GRID1: variants seen among roughly 807,000 people sequenced by gnomAD.
GRID1 encodes glutamate ionotropic receptor delta type subunit 1, also known as glutamate receptor ionotropic, delta-1.
In GRID1, 28 loss-of-function variants were observed where a neutral mutation model predicts 98.0. That is an observed-to-expected ratio of 0.29 (90% CI 0.21 to 0.39). The LOEUF is 0.39. GRID1 is among the 10% of genes least tolerant of loss of function. The probability of loss-of-function intolerance (pLI) is 1.00; values close to 1 mark genes in which losing one functional copy is unlikely to be tolerated. For synonymous variants in GRID1, 553 were observed against 538.5 expected, an observed-to-expected ratio of 1.03 and a Z score of -0.37; for missense variants, 1,111 against 1,340.5, an observed-to-expected ratio of 0.83 and a Z score of 2.67.
At chr10:85,712,905 T>C (rs1841597470) in intron 12 of GRID1, among the ~76,000 whole-genome samples, 2 of 151,584 alleles carry the variant, frequency 1.3e-5, no homozygotes, top group Non-Finnish European at 3.0e-5. Flanking sequence ...CCAAAAATAA[T>C]AGGATGCAGC....
chr10:86,310,467 T>C (rs531860242), intron 2 of GRID1, among the ~76,000 whole-genome samples: 8 of 152,248 alleles, frequency 5.3e-5, no homozygotes, highest in African/African-American at 1.7e-4. Context: ...CAAGACCCCA[T>C]CAGCTTCCAA....
At chr10:85,818,960 A>T (rs867012410) in intron 8 of GRID1, among the ~76,000 whole-genome samples, 1 of 152,198 alleles carries the variant, frequency 6.6e-6, no homozygotes, top group South Asian at 2.1e-4. Flanking sequence ...AGCTTGAGTG[A>T]TCCGCCCGCC....
intron 4 of GRID1, among the ~76,000 whole-genome samples, chr10:86,102,291 C>T (rs1225085315): frequency 6.6e-6 from 1 of 152,216 alleles, no homozygotes; most frequent in African/African-American, 2.4e-5. Flanking sequence ...TGGCTTAGAC[C>T]AGGGACATAG....
intron 4 of GRID1, among the ~76,000 whole-genome samples, chr10:85,961,714 T>G (rs1415525593): frequency 1.3e-5 from 2 of 151,880 alleles, no homozygotes; most frequent in Non-Finnish European, 2.9e-5. Flanking sequence ...CCCTCCCTTC[T>G]TCCTTTCTTC....
intron 12 of GRID1, among the ~76,000 whole-genome samples, chr10:85,701,644 CA>C (rs1466594817): frequency 6.6e-6 from 1 of 152,106 alleles, no homozygotes. Context: ...AGAATCAACC[CA>C]CCTGTTTATG....
At chr10:86,107,419 C>T (rs1844407889) in intron 4 of GRID1, among the ~76,000 whole-genome samples, 1 of 152,208 alleles carries the variant, frequency 6.6e-6, no homozygotes. Flanking sequence ...GTGGCAAACC[C>T]CACAGGGTGG....
intron 2 of GRID1, among the ~76,000 whole-genome samples, chr10:86,265,615 A>G (rs1476133997): frequency 6.6e-6 from 1 of 152,226 alleles, no homozygotes; most frequent in Non-Finnish European, 1.5e-5. Context: ...TCAGACACTC[A>G]TTCTTGCTCT....
intron 8 of GRID1, among the ~76,000 whole-genome samples, chr10:85,846,861 A>G (rs1356736380): frequency 6.6e-6 from 1 of 152,252 alleles, no homozygotes. Context: ...ACCAGGAAAT[A>G]AAGTTTCCAA....
intron 4 of GRID1, among the ~76,000 whole-genome samples, chr10:86,036,222 G>A (rs1372890681): frequency 6.6e-6 from 1 of 152,178 alleles, no homozygotes; most frequent in Non-Finnish European, 1.5e-5. Flanking sequence ...ACCACTCTAA[G>A]ACAGTCCGCC....
intron 4 of GRID1, among the ~76,000 whole-genome samples, chr10:86,060,331 TAGG>T (rs1843631758): frequency 6.6e-6 from 1 of 152,172 alleles, no homozygotes. Flanking sequence ...CACTTTCTAT[TAGG>T]AGATGTTCTG....
At chr10:85,937,294 C>T (rs958770340) in intron 4 of GRID1, among the ~76,000 whole-genome samples, 5 of 152,220 alleles carry the variant, frequency 3.3e-5, no homozygotes, top group African/African-American at 1.2e-4. Context: ...TAACGTGAAA[C>T]ACAGATGCAG....
chr10:85,729,059 G>A lies in GRID1; in HGVS notation c.1335+454C>T, dbSNP rs572389850. Among the ~76,000 whole-genome samples the A allele has an allele frequency of 2.6e-4, 39 of 152,288 alleles. 1 individual carries two copies. The South Asian group carries it at 5.8e-3, about 23-fold the overall frequency. On this transcript the variant is annotated intron_variant, in intron 9 of 15. Transcript: ENST00000327946. ...TCCATGCAGAAAAGTTGCAACTACCGAATGGTCTTCATTCTGAACTTGTGT... is the reference window on the plus strand; with the variant it reads ...TCCATGCAGAAAAGTTGCAACTACCAAATGGTCTTCATTCTGAACTTGTGT...
At chr10:85,877,061 G>T (rs569441724) in intron 5 of GRID1, among the ~76,000 whole-genome samples, 6 of 152,346 alleles carry the variant, frequency 3.9e-5, no homozygotes, top group African/African-American at 1.4e-4. Flanking sequence ...GGGGAGGGGC[G>T]CCTGCCATTG....
intron 5 of GRID1, among the ~76,000 whole-genome samples, chr10:85,880,020 A>G (rs1161579812): frequency 6.6e-6 from 1 of 152,260 alleles, no homozygotes; most frequent in East Asian, 1.9e-4. Flanking sequence ...TAGAAAATCT[A>G]GAAGAAATGG....
At chr10:86,096,010 T>C (rs1844216449) in intron 4 of GRID1, among the ~76,000 whole-genome samples, 1 of 152,122 alleles carries the variant, frequency 6.6e-6, no homozygotes, top group Non-Finnish European at 1.5e-5. Flanking sequence ...AGTATATATA[T>C]GCAGCCATAA....
At chr10:85,797,190 T>G (rs1382512535) in intron 8 of GRID1, among the ~76,000 whole-genome samples, 2 of 152,116 alleles carry the variant, frequency 1.3e-5, no homozygotes, top group African/African-American at 4.8e-5. Context: ...TTAAAAAACC[T>G]CAAAACACTG....
Position 85,728,036 on chromosome 10 carries a change from A to G in GRID1, c.1352T>C (p.Met451Thr). The G allele has an allele frequency of 6.2e-7, 1 of 1,612,644 alleles. No individual in the cohort carries two copies. The highest frequency in any genetic ancestry group is 8.5e-7 in the Non-Finnish European group (1 of 1,178,682). Residue 451 changes from methionine (M) to threonine (T), a missense_variant, in exon 10 of 16, where the codon ATG (methionine) becomes ACG (threonine). Coordinates refer to ENST00000327946, the MANE Select transcript of GRID1 (RefSeq NM_017551.3). ...CTGTCCTAGGATGTTCTCAGCCACC[A>G]TCACGAAAGGCTCTTCCTGAGGACA... ...VVTVLEEPFVMVAENILGQPK... is the reference protein window; with the variant it reads ...VVTVLEEPFVTVAENILGQPK...
At position 86,366,654 on chromosome 10, in the gene GRID1, C is replaced by CGGGGGCGGCCCGCGGCTGT. The variant is rs1343141791; in HGVS notation, c.-281_-263dup. Among the ~76,000 whole-genome samples the CGGGGGCGGCCCGCGGCTGT allele has an allele frequency of 6.7e-6, 1 of 148,754 alleles. No individual in the cohort carries two copies. The highest frequency in any genetic ancestry group is 1.5e-5 in the Non-Finnish European group (1 of 66,480). On this transcript the variant is annotated 5_prime_UTR_variant, in exon 1 of 16. Coordinates refer to ENST00000327946, the MANE Select transcript of GRID1 (RefSeq NM_017551.3). The surrounding 1 kb of genome is among the most constrained non-coding windows in gnomAD (Gnocchi z 4.1). ...GCAGCTTGAGCCCAGGCCGGCGCGGCGGGGGCGGCCCGCGGCTGTGGCAGC... is the reference window on the plus strand; with the variant it reads ...GCAGCTTGAGCCCAGGCCGGCGCGGCGGGGGCGGCCCGCGGCTGTGGGGGCGGCCCGCGGCTGTGGCAGC...
At chr10:86,352,587 A>G (rs1485426333) in intron 2 of GRID1, among the ~76,000 whole-genome samples, 1 of 152,108 alleles carries the variant, frequency 6.6e-6, no homozygotes, top group Non-Finnish European at 1.5e-5. Flanking sequence ...TTATAAGGCC[A>G]CTAATCCCAT....
Sources: gnomAD v4.1 joint callset for allele counts (sites outside exome capture counted in the v4.1 genomes callset) on GRCh38, gnomAD v4.1.1 for gene constraint, Gnocchi (gnomAD v3.1) non-coding constraint, MANE v1.5 for transcripts, NCBI Gene and HGNC (gene_info 2026-07-23, HGNC 2026-07-21) for gene names.